GRIN2A: variants seen among roughly 807,000 people sequenced by gnomAD.
GRIN2A encodes the protein glutamate receptor ionotropic, NMDA 2A.
A neutral mutation model predicts 113.4 loss-of-function variants in GRIN2A; 22 were observed. That is an observed-to-expected ratio of 0.19 (90% CI 0.14 to 0.28). The LOEUF (loss-of-function observed/expected upper bound fraction) is 0.28, where lower values mean the gene tolerates loss of function less well. Among genes scored for constraint, GRIN2A ranks in the 10% least tolerant of loss-of-function variants. The pLI is 1.00. For synonymous variants in GRIN2A, 827 were observed against 738.4 expected (o/e 1.12, Z -1.94); for missense variants, 1,502 against 1,887.0 (o/e 0.80, Z 3.78).
At chr16:10,026,821 G>A (rs2046831595) in intron 2 of GRIN2A, among the ~76,000 whole-genome samples, 1 of 152,098 alleles carries the variant, frequency 6.6e-6, no homozygotes, top group South Asian at 2.1e-4. Context: ...CTTGAAATCA[G>A]GTGCTTTCAG....
chr16:9,763,368 T>G lies in GRIN2A; in HGVS notation c.4176A>C (p.Pro1392=). The G allele has an allele frequency of 6.2e-7, 1 of 1,614,140 alleles. No homozygotes were observed. Among genetic ancestry groups the G allele is most frequent in the Non-Finnish European group, 8.5e-7 (1 of 1,180,006 alleles). Residue 1392 remains proline, a synonymous_variant, in exon 13 of 13, where the codon CCA becomes CCC. Coordinates refer to ENST00000330684, the MANE Select transcript of GRIN2A (RefSeq NM_001134407.3). The part of the protein sequence containing the change: ...CPSDPYKHSL[P]SQAVNDSYLR... ...GATAGCTGTCATTCACCGCCTGGGA[T>G]GGCAACGAGTGTTTGTAAGGGTCCG...
At chr16:9,837,245 G>A (rs753879381) in intron 7 of GRIN2A, among the ~76,000 whole-genome samples, 1 of 152,134 alleles carries the variant, frequency 6.6e-6, no homozygotes. Context: ...TTAGTGACTA[G>A]GAAAAATATT....
intron 3 of GRIN2A, among the ~76,000 whole-genome samples, chr16:9,892,383 C>T (rs1349568419): frequency 6.6e-6 from 1 of 152,066 alleles, no homozygotes; most frequent in Non-Finnish European, 1.5e-5. Context: ...GCTATTCTTA[C>T]AAACCAGGTC....
At chr16:9,832,267 G>C (rs1438630017) in intron 8 of GRIN2A, among the ~76,000 whole-genome samples, 3 of 151,916 alleles carry the variant, frequency 2.0e-5, no homozygotes, top group Admixed American at 6.6e-5. Flanking sequence ...GCCTTTTTCT[G>C]TTTCTTGAGC....
intron 2 of GRIN2A, among the ~76,000 whole-genome samples, chr16:10,073,170 G>A (rs1260663240): frequency 2.6e-5 from 4 of 151,940 alleles, no homozygotes; most frequent in African/African-American, 9.7e-5. Context: ...TGGCCAAGCT[G>A]GTCTCAAACT....
intron 4 of GRIN2A, among the ~76,000 whole-genome samples, chr16:9,854,446 C>A (rs2042935196): frequency 6.6e-6 from 1 of 152,110 alleles, no homozygotes; most frequent in South Asian, 2.1e-4. Flanking sequence ...GGGTTGAATC[C>A]TGAAGACCTC....
chr16:9,774,845 T>TG (rs1567287258), intron 11 of GRIN2A, among the ~76,000 whole-genome samples: 1 of 152,144 alleles, frequency 6.6e-6, no homozygotes, highest in East Asian at 1.9e-4. Flanking sequence ...TCAGGGAAGC[T>TG]GGGGGGTGGG....
At chr16:9,955,747 A>G (rs2045292393) in intron 2 of GRIN2A, among the ~76,000 whole-genome samples, 1 of 152,224 alleles carries the variant, frequency 6.6e-6, no homozygotes, top group Non-Finnish European at 1.5e-5. Flanking sequence ...TTGGTTTACT[A>G]GTTTACTGGC....
chr16:10,154,505 C>T (rs2049648846), intron 2 of GRIN2A, among the ~76,000 whole-genome samples: 1 of 152,176 alleles, frequency 6.6e-6, no homozygotes, highest in Admixed American at 6.5e-5. Context: ...TTGATAAGGG[C>T]AGGGACATTG....
rs769853276 is a variant in GRIN2A, at chr16:9,923,272, GT to G, written c.1007+14686del. ...GTGTCTTATTAATACAGCCAGTCCAGTTTTTTAAAATTAGTATTAGTGTGTA... is the reference window on the plus strand; with the variant it reads ...GTGTCTTATTAATACAGCCAGTCCAGTTTTTAAAATTAGTATTAGTGTGTA... On this transcript the variant is annotated intron_variant, in intron 3 of 12. Transcript: ENST00000330684. Among the ~76,000 whole-genome samples, 133 of 152,164 alleles carry G rather than the reference GT, an allele frequency of 8.7e-4. 1 individual carries two copies. Among genetic ancestry groups the G allele is most frequent in the Non-Finnish European group, 1.5e-3 (104 of 67,996 alleles).
rs2141630266 is a variant in GRIN2A at position 9,938,113 on chromosome 16, C to T, written c.853G>A (p.Asp285Asn). 6.2e-7 allele frequency: 1 copy of T among 1,614,058 alleles called. No individual in the cohort carries two copies. Among genetic ancestry groups the T allele is most frequent in the Non-Finnish European group, 8.5e-7 (1 of 1,179,974 alleles). The stretch of plus-strand genomic sequence containing the variant: ...CTCACTCTCGCCTCCAGGCTGTAGT[C>T]CCAGTCATCGTAGGAGACAGAAATG... The part of the protein sequence containing the change: ...GLISVSYDDW[D>N]YSLEARVRDG... Residue 285 changes from aspartate to asparagine, a missense_variant, in exon 3 of 13, where the codon GAC becomes AAC. By Grantham distance (23) the Asp-to-Asn change is conservative (BLOSUM62 1). Coordinates refer to ENST00000330684, the MANE Select transcript of GRIN2A (RefSeq NM_001134407.3).
chr16:9,928,769 C>T (rs1202520778), intron 3 of GRIN2A, among the ~76,000 whole-genome samples: 3 of 152,288 alleles, frequency 2.0e-5, no homozygotes, highest in African/African-American at 4.8e-5. Context: ...CTCCCTCATC[C>T]GTCGAGACCC....
Position 10,153,988 on chromosome 16 carries a change from A to G in GRIN2A, c.414+26010T>C, listed in dbSNP as rs138955798. On this transcript the variant is annotated intron_variant, in intron 2 of 12. Transcript: ENST00000330684. ...TTCTGCATTAAGGTCTCTGTGCAAA[A>G]GTCCTCATGTCAGAGAGGGTTCCTG... Among the ~76,000 whole-genome samples, 82 of 152,256 alleles carry G rather than the reference A, an allele frequency of 5.4e-4. 1 individual carries two copies. The East Asian group carries it at 0.011, about 20-fold the overall frequency.
At chr16:10,151,825 C>A (rs544381843) in intron 2 of GRIN2A, among the ~76,000 whole-genome samples, 1 of 152,288 alleles carries the variant, frequency 6.6e-6, no homozygotes, top group East Asian at 1.9e-4. Context: ...GTGTTATAAA[C>A]GAAAGAATCT....
intron 10 of GRIN2A, among the ~76,000 whole-genome samples, chr16:9,817,438 C>T (rs1337392009): frequency 6.6e-6 from 1 of 152,198 alleles, no homozygotes; most frequent in Admixed American, 6.5e-5. Context: ...GTCCATTGGC[C>T]AGGCTTGGAG....
chr16:10,049,264 T>G (rs2141980245), intron 2 of GRIN2A, among the ~76,000 whole-genome samples: 1 of 152,318 alleles, frequency 6.6e-6, no homozygotes, highest in South Asian at 2.1e-4. Flanking sequence ...TAATTTACAT[T>G]TAAATGCTCT....
chr16:10,151,481 A>AT (rs2049571394), intron 2 of GRIN2A, among the ~76,000 whole-genome samples: 1 of 152,192 alleles, frequency 6.6e-6, no homozygotes, highest in South Asian at 2.1e-4. Context: ...AGGTGCAAAC[A>AT]TATTACCCTA....
intron 2 of GRIN2A, among the ~76,000 whole-genome samples, chr16:9,970,143 T>A (rs546121305): frequency 1.3e-5 from 2 of 152,352 alleles, no homozygotes; most frequent in African/African-American, 4.8e-5. Flanking sequence ...AATTCAATGT[T>A]TGAGTAAGCA....
intron 2 of GRIN2A, among the ~76,000 whole-genome samples, chr16:10,049,184 CAG>C (rs1567261744): frequency 6.6e-6 from 1 of 152,094 alleles, no homozygotes; most frequent in African/African-American, 2.4e-5. Context: ...CCAGAAAGAA[CAG>C]AGTTTTGTTT....
Sources: allele counts gnomAD v4.1 joint callset (sites outside exome capture counted in the v4.1 genomes callset), GRCh38; gene constraint gnomAD v4.1.1; transcripts MANE v1.5; gene names NCBI Gene and HGNC (gene_info 2026-07-23, HGNC 2026-07-21).